The following TOX variants were observed in gnomAD, a reference collection of about 807,000 sequenced individuals.
The protein encoded by TOX is thymocyte selection associated high mobility group box, also known as thymocyte selection-associated high mobility group box protein TOX.
TOX carries 11 observed loss-of-function variants against 53.7 expected under a neutral mutation model. That is an observed-to-expected ratio of 0.20 (90% confidence interval 0.13 to 0.34). TOX has a LOEUF of 0.34. Ranked by LOEUF, TOX falls within the 10% of genes least tolerant of loss-of-function variation. TOX has a pLI of 1.00. For missense variants in TOX, 570 were observed against 664.6 expected (o/e 0.86, Z 1.56); for synonymous variants, 225 against 245.3 (o/e 0.92, Z 0.77).
Position 58,805,872 on chromosome 8 carries a change from A to G in TOX, c.*1875T>C, listed in dbSNP as rs1809965837. The G allele has an allele frequency of 6.6e-6, 1 of 152,660 alleles. No homozygotes were observed. Among genetic ancestry groups the G allele is most frequent in the African/African-American group, 2.4e-5 (1 of 41,460 alleles). 9.5% of individuals were successfully genotyped at this position (152,660 alleles called of 1,614,324 possible). Reference sequence around the variant, plus strand: ...ACATGCTCAAGTGATTCAAGGTTGTACAATGCCTAAAATCATTCCAAAGCA... The same window carrying G: ...ACATGCTCAAGTGATTCAAGGTTGTGCAATGCCTAAAATCATTCCAAAGCA... On this transcript the variant is annotated 3_prime_UTR_variant, in exon 9 of 9. Coordinates refer to ENST00000361421, the MANE Select transcript of TOX (RefSeq NM_014729.3).
chr8:59,087,425 A>T (rs1034224851), intron 1 of TOX, among the ~76,000 whole-genome samples: 1 of 152,188 alleles, frequency 6.6e-6, no homozygotes, highest in East Asian at 1.9e-4. Context: ...TTAATACCTA[A>T]CTTGAAATCA....
intron 1 of TOX, among the ~76,000 whole-genome samples, chr8:58,980,754 C>G (rs1244661328): frequency 2.6e-5 from 4 of 152,192 alleles, no homozygotes; most frequent in African/African-American, 4.8e-5. Context: ...TCTACCCACT[C>G]TTTCCTAATT....
chr8:58,933,741 C>G (rs1453562346), intron 3 of TOX, among the ~76,000 whole-genome samples: 1 of 152,158 alleles, frequency 6.6e-6, no homozygotes, highest in Non-Finnish European at 1.5e-5. Context: ...TGGAGATCAA[C>G]TAGTCTTGGG....
chr8:58,914,861 G>T (rs62505155), intron 3 of TOX, among the ~76,000 whole-genome samples: 1 of 151,982 alleles, frequency 6.6e-6, no homozygotes, highest in East Asian at 2.0e-4. Flanking sequence ...TGCGCGAGCC[G>T]AAGCAGGGCG....
chr8:59,010,107 G>A (rs1203105723), intron 1 of TOX, among the ~76,000 whole-genome samples: 5 of 152,160 alleles, frequency 3.3e-5, no homozygotes, highest in Non-Finnish European at 7.3e-5. Context: ...ACCAAATAGT[G>A]TAGAATTCAC....
rs544014841 is a variant in TOX at position 58,818,384 on chromosome 8, T to C, written c.1006-2660A>G. Among the ~76,000 whole-genome samples, 147 of 152,320 alleles carry C rather than the reference T, an allele frequency of 9.7e-4. 1 individual carries two copies. The highest frequency in any genetic ancestry group is 3.4e-3 in the African/African-American group (142 of 41,568). ...GGGGAAGTTATATATATTTTCCCTT[T>C]ATTTTCTAATCATTGACTGTGACAA... On this transcript the variant is annotated intron_variant, in intron 6 of 8. Transcript: ENST00000361421.
In TOX at chr8:58,933,857, C is replaced by T. The variant is rs117329961; in HGVS notation, c.411+5445G>A. 7.8e-3 allele frequency among the ~76,000 whole-genome samples: 1,194 copies of T among 152,226 alleles called. 12 individuals carry two copies. The highest frequency in any genetic ancestry group is 0.013 in the Non-Finnish European group (895 of 68,012). On this transcript the variant is annotated intron_variant, in intron 3 of 8. Coordinates refer to ENST00000361421, the MANE Select transcript of TOX (RefSeq NM_014729.3). ...TTTCCTCTAACTCCTGCACCCCACC[C>T]CTGACACCACTCCCAACAAGCTCAG...
chr8:58,949,624 T>A (rs1812585340), intron 2 of TOX, among the ~76,000 whole-genome samples: 1 of 152,144 alleles, frequency 6.6e-6, no homozygotes, highest in African/African-American at 2.4e-5. Flanking sequence ...AGATATTTTT[T>A]ACTGTTAACA....
chr8:59,078,670 C>T (rs377541632), intron 1 of TOX, among the ~76,000 whole-genome samples: 1 of 152,166 alleles, frequency 6.6e-6, no homozygotes, highest in African/African-American at 2.4e-5. Context: ...GCAAGAACAG[C>T]CTAACACAGA....
At chr8:59,036,773 T>C (rs1421032578) in intron 1 of TOX, among the ~76,000 whole-genome samples, 1 of 152,228 alleles carries the variant, frequency 6.6e-6, no homozygotes, top group African/African-American at 2.4e-5. Context: ...GGGGTATGTG[T>C]GTATGTGTGT....
At chr8:58,866,934 A>T (rs1811113574) in intron 3 of TOX, among the ~76,000 whole-genome samples, 1 of 152,180 alleles carries the variant, frequency 6.6e-6, no homozygotes, top group South Asian at 2.1e-4. Flanking sequence ...TAATTATATG[A>T]CCACAACATG....
chr8:58,822,336 C>T (rs776790818), intron 6 of TOX, among the ~76,000 whole-genome samples: 41 of 152,192 alleles, frequency 2.7e-4, no homozygotes, highest in Admixed American at 5.9e-4. Context: ...TAACTTTCGG[C>T]CTTCCAGCCA....
intron 1 of TOX, among the ~76,000 whole-genome samples, chr8:59,030,298 C>T (rs1003813452): frequency 1.3e-5 from 2 of 151,994 alleles, no homozygotes; most frequent in Non-Finnish European, 2.9e-5. Flanking sequence ...GATGTAGGGG[C>T]CCTGTTTAAT....
At position 58,851,788 on chromosome 8, in the gene TOX, G is replaced by T; in HGVS notation, c.429C>A (p.Asn143Lys). 1 of 1,576,286 alleles carries T rather than the reference G, an allele frequency of 6.3e-7. No homozygotes were observed. Among genetic ancestry groups the T allele is most frequent in the Non-Finnish European group, 8.6e-7 (1 of 1,156,816 alleles). Reference protein sequence around the residue: ...NSISVMPDIRNPEGTQYSSHP... With the variant: ...NSISVMPDIRKPEGTQYSSHP... ...GGGAACTGTACTGAGTTCCTTCTGGGTTTCGTATATCTGGCATCTACAATA... is the reference window on the plus strand; with the variant it reads ...GGGAACTGTACTGAGTTCCTTCTGGTTTTCGTATATCTGGCATCTACAATA... The change falls in exon 4 of 9, where the codon AAC (asparagine) becomes AAA (lysine). Residue 143 changes from asparagine to lysine, a missense_variant. Coordinates refer to ENST00000361421, the MANE Select transcript of TOX (RefSeq NM_014729.3). This position sits in a 1 kb window ranked among gnomAD's most constrained non-coding sequence, Gnocchi z 4.4.
At chr8:58,837,475 C>T (rs948333384) in intron 5 of TOX, among the ~76,000 whole-genome samples, 2 of 152,040 alleles carry the variant, frequency 1.3e-5, no homozygotes, top group Admixed American at 6.6e-5. Flanking sequence ...ATGCTGTGTC[C>T]GTGGTATCTC....
At chr8:58,896,774 G>A (rs1316748384) in intron 3 of TOX, among the ~76,000 whole-genome samples, 3 of 152,160 alleles carry the variant, frequency 2.0e-5, no homozygotes, top group African/African-American at 7.2e-5. Context: ...GTCTATCCAA[G>A]GTGCTGGGTT....
At chr8:59,063,866 T>A (rs1054004216) in intron 1 of TOX, among the ~76,000 whole-genome samples, 1 of 152,118 alleles carries the variant, frequency 6.6e-6, no homozygotes, top group Non-Finnish European at 1.5e-5. Flanking sequence ...AAAGCATTTC[T>A]AATTCTTTTT....
intron 3 of TOX, among the ~76,000 whole-genome samples, chr8:58,870,194 A>G (rs923055628): frequency 2.0e-5 from 3 of 152,176 alleles, no homozygotes; most frequent in Admixed American, 6.5e-5. Context: ...ATTAAAAAAA[A>G]TCTCCTGGAA....
chr8:58,871,525 G>T (rs922051774), intron 3 of TOX, among the ~76,000 whole-genome samples: 1 of 152,150 alleles, frequency 6.6e-6, no homozygotes, highest in African/African-American at 2.4e-5. Flanking sequence ...ATAATAAGAT[G>T]CTGACTTAAG....
Sources: allele counts gnomAD v4.1 joint callset (sites outside exome capture counted in the v4.1 genomes callset), GRCh38; gene constraint gnomAD v4.1.1; non-coding constraint Gnocchi (gnomAD v3.1); transcripts MANE v1.5; gene names NCBI Gene and HGNC (gene_info 2026-07-23, HGNC 2026-07-21).